Variants in SLC12A7 observed in about 807,000 individuals in gnomAD.
SLC12A7 encodes K-Cl cotransporter 4.
Under a neutral mutation model 120.6 loss-of-function variants are expected in SLC12A7, and 100 were observed. That is an observed-to-expected ratio of 0.83 (90% CI 0.71 to 0.98). The LOEUF (loss-of-function observed/expected upper bound fraction) is 0.98, where lower values mean the gene tolerates loss of function less well. Ranked by LOEUF, SLC12A7 falls within the 50% of genes least tolerant of loss-of-function variation. The probability of loss-of-function intolerance (pLI) is 0.00; values close to 1 mark genes in which losing one functional copy is unlikely to be tolerated. For synonymous variants in SLC12A7, 760 were observed against 678.0 expected (o/e 1.12, Z -1.88); for missense variants, 1,373 against 1,548.1 (o/e 0.89, Z 1.90).
At chr5:1,088,727 G>A (rs540961634) in intron 4 of SLC12A7, among the ~76,000 whole-genome samples, 163 of 152,346 alleles carry the variant, frequency 1.1e-3, no homozygotes, top group Admixed American at 3.7e-3. Context: ...GGTAAATGAG[G>A]TGCCAGCACG....
At chr5:1,054,472 A>G (rs1405772115) in intron 22 of SLC12A7, among the ~76,000 whole-genome samples, 1 of 152,238 alleles carries the variant, frequency 6.6e-6, no homozygotes, top group African/African-American at 2.4e-5. Flanking sequence ...AAACTGCAGC[A>G]GAACTGGCGT....
chr5:1,088,954 C>A (rs1465116530), intron 4 of SLC12A7, 28 bp downstream of exon 4: 39 of 1,612,154 alleles, frequency 2.4e-5, no homozygotes, highest in Non-Finnish European at 3.2e-5. Flanking sequence ...CCCGAAGGCA[C>A]AGCCACACCT....
upstream of SLC12A7, among the ~76,000 whole-genome samples, chr5:1,114,018 G>A (rs1232579533): frequency 1.3e-5 from 2 of 152,376 alleles, no homozygotes; most frequent in Non-Finnish European, 2.9e-5. Context: ...CCGGCTGCCC[G>A]CCATGTGCTG....
intron 1 of SLC12A7, among the ~76,000 whole-genome samples, chr5:1,101,710 C>T (rs926778588): frequency 2.6e-5 from 4 of 152,214 alleles, no homozygotes; most frequent in East Asian, 1.9e-4. Flanking sequence ...TAGCTGTCCA[C>T]GCACAGATCC....
chr5:1,114,452 C>T (rs1332866912), upstream of SLC12A7, among the ~76,000 whole-genome samples: 1 of 152,160 alleles, frequency 6.6e-6, no homozygotes, highest in East Asian at 1.9e-4. Flanking sequence ...ATCAGTAGCC[C>T]ATCCCTAGGG....
intron 3 of SLC12A7, among the ~76,000 whole-genome samples, chr5:1,092,884 C>T (rs911906568): frequency 4.6e-5 from 7 of 152,190 alleles, no homozygotes; most frequent in South Asian, 4.1e-4. Context: ...GGGTCTTTCT[C>T]GCCTGTGAGC....
intron 1 of SLC12A7, among the ~76,000 whole-genome samples, chr5:1,098,814 C>G (rs1001028334): frequency 6.7e-6 from 1 of 150,204 alleles, no homozygotes; most frequent in Non-Finnish European, 1.5e-5. Context: ...CTCACCCAGC[C>G]GCGTCCCTTG....
chr5:1,110,073 T>C (rs973215124), intron 1 of SLC12A7, among the ~76,000 whole-genome samples: 1 of 152,204 alleles, frequency 6.6e-6, no homozygotes. Context: ...TCGCCGCACC[T>C]CTGTGGGCTG....
At chr5:1,121,987 G>T in the SLC12A7 span, among the ~76,000 whole-genome samples, 1 of 152,198 alleles carries the variant, frequency 6.6e-6, no homozygotes, top group Non-Finnish European at 1.5e-5. Flanking sequence ...GGCACGAAGC[G>T]GGGATGGGTT....
chr5:1,090,919 G>C (rs116340007), intron 3 of SLC12A7, among the ~76,000 whole-genome samples: 358 of 152,318 alleles, frequency 2.4e-3, no homozygotes, highest in African/African-American at 7.9e-3. Flanking sequence ...AATGGGAGCA[G>C]GTCTGCTGGG....
At chr5:1,105,372 G>T (rs1360782801) in intron 1 of SLC12A7, among the ~76,000 whole-genome samples, 1 of 147,126 alleles carries the variant, frequency 6.8e-6, no homozygotes, top group South Asian at 2.1e-4. Flanking sequence ...TCCCTGCAGG[G>T]ATGAGGTCCT....
chr5:1,060,558 GC>G, intron 20 of SLC12A7, 107 bp from the exon 21 acceptor site: 3 of 826,084 alleles, frequency 3.6e-6, no homozygotes, highest in Non-Finnish European at 4.0e-6. Flanking sequence ...GGTGGGAAAG[GC>G]CACGCGTCCC....
rs777453365 is a variant in SLC12A7, at chr5:1,078,019, C to A, written c.1455-12G>T. ...GGGCCTCCCCGAACCTGCAGGCAGG[C>A]GGGCAGGCGGGCGGGCGGCTTTCAG... is the stretch of plus-strand genomic sequence containing the variant. On this transcript the variant is annotated splice_polypyrimidine_tract_variant and intron_variant, in intron 11 of 23. Coordinates refer to ENST00000264930, the MANE Select transcript of SLC12A7 (RefSeq NM_006598.3). 18 of 1,544,598 alleles carry A rather than the reference C, an allele frequency of 1.2e-5. No individual in the cohort carries two copies. The highest frequency in any genetic ancestry group is 2.1e-5 in the Admixed American group (1 of 48,616).
At chr5:1,099,876 G>A (rs1429831184) in intron 1 of SLC12A7, among the ~76,000 whole-genome samples, 2 of 152,236 alleles carry the variant, frequency 1.3e-5, no homozygotes, top group African/African-American at 4.8e-5. Context: ...TCCGGCGGGT[G>A]TACGGGGCAG....
chr5:1,060,425 G>A lies in SLC12A7; in HGVS notation c.2766C>T (p.Thr922=). 6.2e-7 allele frequency: 1 copy of A among 1,613,660 alleles called. No individual in the cohort carries two copies. Among genetic ancestry groups the A allele is most frequent in the Non-Finnish European group, 8.5e-7 (1 of 1,179,880 alleles). ...GCTCCATCATTAGTGTCCTCTCGTA[G>A]GTGAAAGCAGATATGTCGTTTTCAA... ...EMVENDISAF[T]YERTLMMEQR... The change falls in exon 21 of 24, where the codon ACC becomes ACT. Residue 922 remains threonine (T), a synonymous_variant. Transcript: ENST00000264930.
At chr5:1,064,853 A>AGATAGCGAGGG (rs1554012884) in intron 18 of SLC12A7, among the ~76,000 whole-genome samples, 12 of 44,616 alleles carry the variant, frequency 2.7e-4, no homozygotes, top group Admixed American at 4.6e-4. Flanking sequence ...GACGGCGAGG[A>AGATAGCGAGGG]GACGGCGAGG....
chr5:1,093,751 C>T lies in SLC12A7; in HGVS notation c.220-96G>A, dbSNP rs931807753. The T allele has an allele frequency of 3.3e-6, 5 of 1,538,324 alleles. No individual in the cohort carries two copies. In the African/African-American group the frequency reaches 4.1e-5, roughly 13 times the overall value. ...TCAGGGTGTGGAGCTCAGGCCCTCC[C>T]CGGGTCCTCAGCCCCTGGGTCTGAA... On this transcript the variant is annotated intron_variant, in intron 2 of 23. Transcript: ENST00000264930.
In SLC12A7 at chr5:1,078,772, C is replaced by T. The variant is rs745568876; in HGVS notation, c.1397-14G>A. The T allele has an allele frequency of 1.3e-6, 2 of 1,566,376 alleles. No individual in the cohort carries two copies. The highest frequency in any genetic ancestry group is 4.7e-5 in the East Asian group (2 of 42,352). ...TGCAGGAGAGATCCACAGCCCTCGTCAAGGAAAGGCAGGTCCGTGGGTGCA... is the reference window on the plus strand; with the variant it reads ...TGCAGGAGAGATCCACAGCCCTCGTTAAGGAAAGGCAGGTCCGTGGGTGCA... On this transcript the variant is annotated splice_polypyrimidine_tract_variant and intron_variant, in intron 10 of 23. Transcript: ENST00000264930.
At chr5:1,100,074 G>A (rs561155840) in intron 1 of SLC12A7, among the ~76,000 whole-genome samples, 8 of 152,316 alleles carry the variant, frequency 5.3e-5, no homozygotes, top group African/African-American at 1.4e-4. Flanking sequence ...CCTCCTACCC[G>A]GCCGGGCTGG....
Sources: allele counts gnomAD v4.1 joint callset (sites outside exome capture counted in the v4.1 genomes callset), GRCh38; gene constraint gnomAD v4.1.1; transcripts MANE v1.5; gene names NCBI Gene and HGNC (gene_info 2026-07-23, HGNC 2026-07-21).